GBF1: variants seen among roughly 807,000 people sequenced by gnomAD.
GBF1 encodes Golgi-specific brefeldin A-resistance guanine nucleotide exchange factor 1.
Under a neutral mutation model 210.5 loss-of-function variants are expected in GBF1, and 114 were observed. That is an observed-to-expected ratio of 0.54 (90% confidence interval 0.47 to 0.63). The LOEUF (loss-of-function observed/expected upper bound fraction) is 0.63. Ranked by LOEUF, GBF1 falls within the 30% of genes least tolerant of loss-of-function variation. The probability of loss-of-function intolerance (pLI) is 0.00; values close to 1 mark genes in which losing one functional copy is unlikely to be tolerated. For synonymous variants in GBF1, 850 were observed against 889.2 expected (o/e 0.96, Z 0.78); for missense variants, 1,851 against 2,357.7 (o/e 0.79, Z 4.45).
chr10:102,378,958 A>G (rs917027712), intron 33 of GBF1, among the ~76,000 whole-genome samples: 4 of 152,172 alleles, frequency 2.6e-5, no homozygotes, highest in Non-Finnish European at 5.9e-5. Context: ...AATTAACAAC[A>G]TGAGGCTTTC....
At chr10:102,358,207 C>T in intron 9 of GBF1, 21 bp downstream of exon 9, 2 of 1,601,560 alleles carry the variant, frequency 1.2e-6, no homozygotes, top group Non-Finnish European at 1.7e-6. Context: ...TGGACTACTT[C>T]CTCTGATTAG....
rs2059859132 is a variant in GBF1 at position 102,365,446 on chromosome 10, T to C, written c.2156T>C (p.Ile719Thr). 1 of 1,613,976 alleles carries C rather than the reference T, an allele frequency of 6.2e-7. No individual in the cohort carries two copies. Among genetic ancestry groups the C allele is most frequent in the Non-Finnish European group, 8.5e-7 (1 of 1,179,968 alleles). ...TTCAATCAGAAACCAAAGAAGGGGATTCAGTTTCTGCAAGAGAAAGGCCTC... is the reference window on the plus strand; with the variant it reads ...TTCAATCAGAAACCAAAGAAGGGGACTCAGTTTCTGCAAGAGAAAGGCCTC... ...EQFNQKPKKG[I>T]QFLQEKGLLT... Residue 719 changes from isoleucine to threonine, a missense_variant, in exon 18 of 40, where the codon ATT becomes ACT. By Grantham distance (89) the Ile-to-Thr change is moderately conservative. This residue lies in a region of GBF1 where 804 missense variants were observed against 958.6 expected (regional missense o/e 0.84). Transcript: ENST00000369983.
chr10:102,243,315 T>C (rs1365797863), upstream of GBF1, among the ~76,000 whole-genome samples: 1 of 152,240 alleles, frequency 6.6e-6, no homozygotes, highest in African/African-American at 2.4e-5. Flanking sequence ...ATGTGTTGTC[T>C]GCTATGATAA....
intron 3 of GBF1, among the ~76,000 whole-genome samples, chr10:102,298,946 T>C (rs571286942): frequency 6.6e-6 from 1 of 152,306 alleles, no homozygotes; most frequent in South Asian, 2.1e-4. Flanking sequence ...TCTTAATGTT[T>C]AAATCAGGAT....
At chr10:102,341,161 C>T (rs947792720) in intron 3 of GBF1, among the ~76,000 whole-genome samples, 1 of 152,172 alleles carries the variant, frequency 6.6e-6, no homozygotes, top group Non-Finnish European at 1.5e-5. Context: ...GCAGACATGT[C>T]ACCCAAAAGG....
At chr10:102,358,474 C>A in intron 9 of GBF1, 32 bp from the exon 10 acceptor site, 1 of 1,488,714 alleles carries the variant, frequency 6.7e-7, no homozygotes, top group Non-Finnish European at 9.4e-7. Context: ...CCTCTTTCTT[C>A]TCCTTCAAGC....
At chr10:102,333,088 A>T (rs191471409) in intron 3 of GBF1, among the ~76,000 whole-genome samples, 20 of 152,316 alleles carry the variant, frequency 1.3e-4, no homozygotes, top group Non-Finnish European at 2.4e-4. Flanking sequence ...CACCACCACC[A>T]CCTTCCCCAG....
chr10:102,295,321 A>G (rs971775673), intron 3 of GBF1, among the ~76,000 whole-genome samples: 1 of 152,236 alleles, frequency 6.6e-6, no homozygotes, highest in Non-Finnish European at 1.5e-5. Flanking sequence ...TGTGCCATCT[A>G]AGGACATTCA....
chr10:102,296,528 A>AG (rs1368193643), intron 3 of GBF1, among the ~76,000 whole-genome samples: 2 of 151,656 alleles, frequency 1.3e-5, no homozygotes, highest in African/African-American at 4.8e-5. Context: ...GTAGATCATG[A>AG]GGTCAGGAGT....
In GBF1 at chr10:102,363,043, G is replaced by A. The variant is rs2059702751; in HGVS notation, c.1877-213G>A. On this transcript the variant is annotated intron_variant, in intron 15 of 39. Transcript: ENST00000369983. The surrounding 1 kb of genome is among the most constrained non-coding windows in gnomAD (Gnocchi z 4.2). ...GAAATTTGAGGTTGCAGAAGATCAG[G>A]GAAAGTGACTGGGTAATCTCTTCAT... Among the ~76,000 whole-genome samples the A allele has an allele frequency of 6.6e-6, 1 of 152,132 alleles. No individual in the cohort carries two copies. Among genetic ancestry groups the A allele is most frequent in the South Asian group, 2.1e-4 (1 of 4,824 alleles).
intron 29 of GBF1, among the ~76,000 whole-genome samples, chr10:102,373,476 T>C (rs544724602): frequency 5.9e-4 from 90 of 152,258 alleles, no homozygotes; most frequent in Middle Eastern, 3.4e-3. Context: ...CTGAGGAGAT[T>C]GAGGTGGGAG....
At position 102,256,014 on chromosome 10, in the gene GBF1, C is replaced by T. The variant is rs568317235; in HGVS notation, c.-10-2915C>T. ...AGGCTTGAGTGCAGTGGCACGAACG[C>T]GGTTCACCGCAGCCTCAATCTACCG... On this transcript the variant is annotated intron_variant, in intron 1 of 39. Transcript: ENST00000369983. 5.9e-5 allele frequency among the ~76,000 whole-genome samples: 9 copies of T among 152,298 alleles called. No individual in the cohort carries two copies. In the South Asian group the frequency reaches 8.3e-4, roughly 14 times the overall value.
chr10:102,337,365 G>T (rs1159659506), intron 3 of GBF1, among the ~76,000 whole-genome samples: 1 of 95,918 alleles, frequency 1.0e-5, no homozygotes, highest in South Asian at 5.5e-4. Flanking sequence ...GCGAGACTCC[G>T]CCTCAAAAAA....
chr10:102,368,336 G>A lies in GBF1; in HGVS notation c.2761G>A (p.Ala921Thr). Reference sequence around the variant, plus strand: ...GGGCATATTCCTGCGTGTGCCTACTGCCAGCTATGATCTTGACCTCTTCAC... The same window carrying A: ...GGGCATATTCCTGCGTGTGCCTACTACCAGCTATGATCTTGACCTCTTCAC... ...PEGIFLRVPT[A>T]SYDLDLFTMT... The change falls in exon 22 of 40, where the codon GCC (alanine) becomes ACC (threonine). Residue 921 changes from alanine to threonine, a missense_variant. Transcript: ENST00000369983. 6.2e-7 allele frequency: 1 copy of A among 1,613,670 alleles called. No homozygotes were observed. Among genetic ancestry groups the A allele is most frequent in the South Asian group, 1.1e-5 (1 of 91,072 alleles).
intron 3 of GBF1, among the ~76,000 whole-genome samples, chr10:102,328,782 C>T (rs961488962): frequency 1.3e-5 from 2 of 152,082 alleles, no homozygotes; most frequent in African/African-American, 2.4e-5. Flanking sequence ...GAATTTAGTT[C>T]TTTTTAATTT....
At chr10:102,299,061 A>T (rs1468829708) in intron 3 of GBF1, among the ~76,000 whole-genome samples, 5 of 152,188 alleles carry the variant, frequency 3.3e-5, no homozygotes. Flanking sequence ...ACTGGCTTTG[A>T]ATACTGGCCT....
Position 102,362,649 on chromosome 10 carries a change from C to A in GBF1, c.1861C>A (p.Arg621=), listed in dbSNP as rs766618538. The part of the protein sequence containing the change: ...RPSCEIVDGT[R]EASNTERTAS... ...AAGCTGTGAGATAGTAGATGGCACC[C>A]GAGAAGCTAGCAATAGTGAGAGGCA... is the stretch of plus-strand genomic sequence containing the variant. The change falls in exon 15 of 40, where the codon CGA becomes AGA. Residue 621 remains arginine, a synonymous_variant. Transcript: ENST00000369983. The A allele has an allele frequency of 6.2e-7, 1 of 1,613,440 alleles. No homozygotes were observed.
Position 102,366,259 on chromosome 10 carries a change from C to A in GBF1, c.2310-124C>A. 2.2e-6 allele frequency: 2 copies of A among 906,066 alleles called. No homozygotes were observed. Among genetic ancestry groups the A allele is most frequent in the Non-Finnish European group, 3.5e-6 (2 of 569,676 alleles). 56.1% of individuals were successfully genotyped at this position (906,066 alleles called of 1,614,324 possible). On this transcript the variant is annotated intron_variant, in intron 18 of 39. Coordinates refer to ENST00000369983, the MANE Select transcript of GBF1 (RefSeq NM_001377137.1). This position sits in a 1 kb window ranked among gnomAD's most constrained non-coding sequence, Gnocchi z 4.0. Reference sequence around the variant, plus strand: ...GTTAGGGATGAACAGGAGATACTGCCCCTTTACTAGAGACCTCAGCCTCCT... The same window carrying A: ...GTTAGGGATGAACAGGAGATACTGCACCTTTACTAGAGACCTCAGCCTCCT...
chr10:102,302,599 T>C (rs1452491469), intron 3 of GBF1, among the ~76,000 whole-genome samples: 1 of 152,232 alleles, frequency 6.6e-6, no homozygotes, highest in Non-Finnish European at 1.5e-5. Flanking sequence ...TGAAGAATTC[T>C]TAGAATTCAT....
Sources: gnomAD v4.1 joint callset for allele counts (sites outside exome capture counted in the v4.1 genomes callset) on GRCh38, gnomAD v4.1.1 for gene constraint, gnomAD v4.1.1 regional missense constraint, Gnocchi (gnomAD v3.1) non-coding constraint, MANE v1.5 for transcripts, NCBI Gene and HGNC (gene_info 2026-07-23, HGNC 2026-07-21) for gene names.